Variants in GRID1 observed in about 807,000 individuals in gnomAD.
GRID1 encodes glutamate receptor ionotropic, delta-1.
Under a neutral mutation model 98.0 loss-of-function variants are expected in GRID1, and 28 were observed. That is an observed-to-expected ratio of 0.29 (90% CI 0.21 to 0.39). The LOEUF is 0.39. GRID1 is among the 10% of genes least tolerant of loss of function. The pLI is 1.00. For missense variants in GRID1, 1,111 were observed against 1,340.5 expected, an observed-to-expected ratio of 0.83 and a Z score of 2.67; for synonymous variants, 553 against 538.5, an observed-to-expected ratio of 1.03 and a Z score of -0.37.
chr10:85,812,508 T>C lies in GRID1; in HGVS notation c.1233+41988A>G, dbSNP rs577999175. On this transcript the variant is annotated intron_variant, in intron 8 of 15. Transcript: ENST00000327946. ...AAGCCCTCTTGGAGATAGCAATGAT[T>C]AGCATTTTATTATTTTTTAAACCTC... 1.6e-3 allele frequency among the ~76,000 whole-genome samples: 243 copies of C among 152,244 alleles called. 2 individuals are homozygous for C. The highest frequency in any genetic ancestry group is 6.8e-3 in the Middle Eastern group (2 of 294).
intron 2 of GRID1, among the ~76,000 whole-genome samples, chr10:86,219,662 G>A (rs1422196533): frequency 6.6e-6 from 1 of 152,190 alleles, no homozygotes; most frequent in Non-Finnish European, 1.5e-5. Flanking sequence ...AGGTAGTGGG[G>A]GTAAATGGAG....
chr10:86,229,064 G>T (rs1410272216), intron 2 of GRID1, among the ~76,000 whole-genome samples: 1 of 152,146 alleles, frequency 6.6e-6, no homozygotes, highest in East Asian at 1.9e-4. Context: ...CCTCCGAATA[G>T]GGACTGCTTG....
intron 2 of GRID1, among the ~76,000 whole-genome samples, chr10:86,328,558 G>A (rs1478662426): frequency 2.6e-5 from 4 of 152,184 alleles, no homozygotes; most frequent in African/African-American, 9.7e-5. Context: ...GCACTTTCAT[G>A]GGCTTTTCCG....
chr10:85,860,170 C>T (rs1481907350), intron 6 of GRID1, among the ~76,000 whole-genome samples: 1 of 152,154 alleles, frequency 6.6e-6, no homozygotes, highest in East Asian at 1.9e-4. Flanking sequence ...GCCTCCCTCC[C>T]TCATATTGTA....
intron 13 of GRID1, among the ~76,000 whole-genome samples, chr10:85,643,680 T>C (rs1240315363): frequency 6.6e-6 from 1 of 152,242 alleles, no homozygotes; most frequent in Non-Finnish European, 1.5e-5. Flanking sequence ...TTTATGACAC[T>C]AGTTATAAAA....
At chr10:85,657,031 C>T (rs1046411939) in intron 12 of GRID1, among the ~76,000 whole-genome samples, 6 of 152,136 alleles carry the variant, frequency 3.9e-5, no homozygotes, top group African/African-American at 9.7e-5. Context: ...CATCTGCTCT[C>T]GCCGTACCAG....
intron 4 of GRID1, among the ~76,000 whole-genome samples, chr10:86,009,436 G>C (rs1304224791): frequency 6.6e-6 from 1 of 152,120 alleles, no homozygotes; most frequent in African/African-American, 2.4e-5. Flanking sequence ...GATGATAAAA[G>C]TTAACAGGAA....
chr10:86,076,676 A>T (rs1158304524), intron 4 of GRID1, among the ~76,000 whole-genome samples: 2 of 152,136 alleles, frequency 1.3e-5, no homozygotes, highest in African/African-American at 2.4e-5. Context: ...GGAGGTCAGC[A>T]TTTTGGGCCA....
rs11819458 is a variant in GRID1 at position 86,320,850 on chromosome 10, A to T, written c.235+43091T>A. Among the ~76,000 whole-genome samples, 1,315 of 152,262 alleles carry T rather than the reference A, an allele frequency of 8.6e-3. 18 individuals are homozygous for T. The highest frequency in any genetic ancestry group is 0.03 in the African/African-American group (1,258 of 41,544). On this transcript the variant is annotated intron_variant, in intron 2 of 15. Coordinates refer to ENST00000327946, the MANE Select transcript of GRID1 (RefSeq NM_017551.3). ...CGCGGTGGCTCACGCCTGTAATCCCAGCACTTTGGGAGGCTGAGGTGGGTG... is the reference window on the plus strand; with the variant it reads ...CGCGGTGGCTCACGCCTGTAATCCCTGCACTTTGGGAGGCTGAGGTGGGTG...
intron 3 of GRID1, among the ~76,000 whole-genome samples, chr10:86,171,447 T>G (rs1237023176): frequency 3.3e-5 from 5 of 152,214 alleles, no homozygotes; most frequent in Non-Finnish European, 7.3e-5. Flanking sequence ...GAAAGAGAGA[T>G]AAACTAGGAC....
chr10:85,940,575 A>G (rs186801818), intron 4 of GRID1, among the ~76,000 whole-genome samples: 3 of 152,300 alleles, frequency 2.0e-5, no homozygotes, highest in African/African-American at 7.2e-5. Flanking sequence ...AAATATATCT[A>G]TGGAATGATT....
chr10:85,809,781 ATC>A (rs1842654185), intron 8 of GRID1, among the ~76,000 whole-genome samples: 1 of 152,160 alleles, frequency 6.6e-6, no homozygotes, highest in South Asian at 2.1e-4. Flanking sequence ...CTGCTGAACC[ATC>A]TCTCTTATTG....
chr10:86,037,787 C>T (rs1843287864), intron 4 of GRID1, among the ~76,000 whole-genome samples: 1 of 152,110 alleles, frequency 6.6e-6, no homozygotes. Context: ...TAACATCCAG[C>T]TCTCGGGTGG....
intron 4 of GRID1, among the ~76,000 whole-genome samples, chr10:86,082,801 C>A (rs1267013675): frequency 6.6e-6 from 1 of 152,190 alleles, no homozygotes; most frequent in Non-Finnish European, 1.5e-5. Flanking sequence ...TACAGATTGT[C>A]CCCTCTGCCT....
chr10:85,950,829 G>A lies in GRID1; in HGVS notation c.727-34590C>T, dbSNP rs553761186. On this transcript the variant is annotated intron_variant, in intron 4 of 15. Transcript: ENST00000327946. ...AGTCCTCTCAAATCAGGTTCCAGCCGGATATGCACCACTCCTCTCCAAATG... is the reference window on the plus strand; with the variant it reads ...AGTCCTCTCAAATCAGGTTCCAGCCAGATATGCACCACTCCTCTCCAAATG... Among the ~76,000 whole-genome samples, 9 of 152,244 alleles carry A rather than the reference G, an allele frequency of 5.9e-5. No individual in the cohort carries two copies. In the South Asian group the frequency reaches 1.2e-3, roughly 21 times the overall value.
intron 4 of GRID1, among the ~76,000 whole-genome samples, chr10:86,021,851 T>G (rs1239856547): frequency 6.6e-6 from 1 of 152,200 alleles, no homozygotes; most frequent in African/African-American, 2.4e-5. Context: ...TTTGGAGAGC[T>G]TCACCCTCAG....
At chr10:85,815,226 G>C (rs940900385) in intron 8 of GRID1, among the ~76,000 whole-genome samples, 37 of 151,926 alleles carry the variant, frequency 2.4e-4, no homozygotes, top group African/African-American at 8.0e-4. Flanking sequence ...AAGGAACTAA[G>C]AACAGAAGGA....
rs1842582013 is a variant in GRID1, at chr10:85,601,981, C to A, written c.*292G>T. The A allele has an allele frequency of 3.1e-6, 1 of 323,964 alleles. No homozygotes were observed. Among genetic ancestry groups the A allele is most frequent in the Non-Finnish European group, 5.7e-6 (1 of 176,806 alleles). 20.1% of individuals were successfully genotyped at this position (323,964 alleles called of 1,614,324 possible). A position where few individuals can be genotyped will look rare whatever the true frequency, so the allele number is the denominator to read the frequency against. On this transcript the variant is annotated 3_prime_UTR_variant, in exon 16 of 16. Coordinates refer to ENST00000327946, the MANE Select transcript of GRID1 (RefSeq NM_017551.3). ...CAGGAATGGGGGGGCTCCTTTGGCA[C>A]TTCAGAATGATCACAAGTAATTTGC... is the stretch of plus-strand genomic sequence containing the variant.
intron 13 of GRID1, among the ~76,000 whole-genome samples, chr10:85,634,138 G>A (rs570536928): frequency 1.1e-4 from 16 of 150,868 alleles, no homozygotes; most frequent in African/African-American, 3.7e-4. Context: ...ACATTGCATG[G>A]TAGCCTGGGC....
Sources: allele counts gnomAD v4.1 joint callset (sites outside exome capture counted in the v4.1 genomes callset), GRCh38; gene constraint gnomAD v4.1.1; transcripts MANE v1.5; gene names NCBI Gene and HGNC (gene_info 2026-07-23, HGNC 2026-07-21).